The following CSMD1 variants were observed in gnomAD, a reference collection of about 807,000 sequenced individuals.
The protein encoded by CSMD1 is CUB and sushi domain-containing protein 1.
Under a neutral mutation model 417.5 loss-of-function variants are expected in CSMD1, and 213 were observed. The ratio of observed to expected loss-of-function variants is 0.51; its 90% CI spans 0.46 to 0.57. The LOEUF is 0.57. Among genes scored for constraint, CSMD1 ranks in the 20% least tolerant of loss-of-function variants. The pLI, the probability that CSMD1 is intolerant of heterozygous loss-of-function variation, is 0.00. For missense variants in CSMD1, 6,923 were observed against 4,529.7 expected (o/e 1.53, Z -15.17); for synonymous variants, 2,862 against 1,736.8 (o/e 1.65, Z -16.11).
At chr8:3,655,639 G>C (rs1468999778) in intron 7 of CSMD1, among the ~76,000 whole-genome samples, 1 of 145,272 alleles carries the variant, frequency 6.9e-6, no homozygotes, top group Admixed American at 7.0e-5. Flanking sequence ...GAGCCTACAA[G>C]ATGACTCAAT....
At chr8:3,962,536 G>A (rs890194381) in intron 5 of CSMD1, among the ~76,000 whole-genome samples, 1 of 152,162 alleles carries the variant, frequency 6.6e-6, no homozygotes, top group Admixed American at 6.5e-5. Flanking sequence ...GCTAATCGCA[G>A]GTAAGCAAAG....
chr8:3,369,601 C>T (rs921725349), intron 18 of CSMD1, among the ~76,000 whole-genome samples: 1 of 152,156 alleles, frequency 6.6e-6, no homozygotes, highest in African/African-American at 2.4e-5. Flanking sequence ...CAGAATAAGG[C>T]ACAGCAGGAG....
rs145725821 is a variant in CSMD1 at position 4,015,824 on chromosome 8, G to A, written c.610+16081C>T. On this transcript the variant is annotated intron_variant, in intron 4 of 69. Transcript: ENST00000635120. ...GGGTGAAACTTCATTCACTAAGCAA[G>A]CGGCGTAACTTCCCAATAATGGTTC... Among the ~76,000 whole-genome samples, 1,019 of 152,256 alleles carry A rather than the reference G, an allele frequency of 6.7e-3. 7 individuals are homozygous for A. The highest frequency in any genetic ancestry group is 9.6e-3 in the Non-Finnish European group (653 of 68,030).
At chr8:4,129,074 C>CAA (rs10538387) in intron 3 of CSMD1, among the ~76,000 whole-genome samples, 41 of 80,726 alleles carry the variant, frequency 5.1e-4, no homozygotes, top group African/African-American at 1.2e-3. Flanking sequence ...GAGTCCAACT[C>CAA]AAAAAAAAAA....
intron 3 of CSMD1, among the ~76,000 whole-genome samples, chr8:4,417,810 A>G (rs1797029118): frequency 6.6e-6 from 1 of 151,992 alleles, no homozygotes; most frequent in African/African-American, 2.4e-5. Context: ...ACATGTACAA[A>G]TTGGTGTATT....
intron 5 of CSMD1, among the ~76,000 whole-genome samples, chr8:3,905,572 A>G (rs1808056400): frequency 6.6e-6 from 1 of 152,224 alleles, no homozygotes; most frequent in African/African-American, 2.4e-5. Context: ...TTGTGCAAAC[A>G]CAGATGGCTG....
chr8:3,032,657 C>T (rs558553247), intron 50 of CSMD1, among the ~76,000 whole-genome samples: 3 of 152,126 alleles, frequency 2.0e-5, no homozygotes, highest in East Asian at 1.9e-4. Flanking sequence ...TCACTGACAT[C>T]AGAAGCCTGA....
intron 3 of CSMD1, among the ~76,000 whole-genome samples, chr8:4,032,967 A>G (rs989510875): frequency 6.6e-6 from 1 of 151,988 alleles, no homozygotes; most frequent in East Asian, 1.9e-4. Context: ...CAATTCCGAT[A>G]CGAAACACTG....
intron 2 of CSMD1, among the ~76,000 whole-genome samples, chr8:4,612,631 C>T (rs1365834252): frequency 6.6e-6 from 1 of 152,202 alleles, no homozygotes; most frequent in Non-Finnish European, 1.5e-5. Context: ...GGTAAGGCCA[C>T]TCAGGGGACC....
intron 66 of CSMD1, 89 bp downstream of exon 66, chr8:2,951,025 C>T: frequency 3.0e-6 from 4 of 1,338,286 alleles, no homozygotes; most frequent in Non-Finnish European, 4.1e-6. Context: ...GTAATAAGTA[C>T]TTAATACTTA....
At chr8:4,183,749 C>A (rs1016435126) in intron 3 of CSMD1, among the ~76,000 whole-genome samples, 3 of 152,146 alleles carry the variant, frequency 2.0e-5, no homozygotes, top group Middle Eastern at 3.2e-3. Context: ...ATTAGTGAAG[C>A]AATATGAGTA....
chr8:3,861,393 A>G (rs1026236976), intron 5 of CSMD1, among the ~76,000 whole-genome samples: 1 of 152,208 alleles, frequency 6.6e-6, no homozygotes. Flanking sequence ...AGCATTGTTC[A>G]TGGTGAAAAT....
intron 2 of CSMD1, among the ~76,000 whole-genome samples, chr8:4,607,579 A>G (rs2725015): frequency 0.19 from 28,752 of 152,150 alleles, 2,838 homozygotes; most frequent in African/African-American, 0.21. Flanking sequence ...AATGCTCATT[A>G]GCATCCTAAA....
intron 26 of CSMD1, among the ~76,000 whole-genome samples, chr8:3,264,675 C>T (rs575892927): frequency 5.3e-4 from 80 of 152,096 alleles, no homozygotes; most frequent in Middle Eastern, 3.4e-3. Flanking sequence ...ACTGTGGGGT[C>T]GTAAAAAGAG....
chr8:3,563,760 G>C (rs1164064584), intron 10 of CSMD1, among the ~76,000 whole-genome samples: 1 of 151,936 alleles, frequency 6.6e-6, no homozygotes, highest in Non-Finnish European at 1.5e-5. Context: ...GTGGTGGTAG[G>C]CATCTGTAAT....
chr8:3,839,330 A>G (rs190079372), intron 5 of CSMD1, among the ~76,000 whole-genome samples: 3,133 of 118,658 alleles, frequency 0.026, 155 homozygotes, highest in African/African-American at 0.095. Flanking sequence ...TATTAATTAT[A>G]TATACTATTA....
chr8:4,386,520 C>A (rs917357808), intron 3 of CSMD1, among the ~76,000 whole-genome samples: 2 of 152,226 alleles, frequency 1.3e-5, no homozygotes, highest in Non-Finnish European at 2.9e-5. Context: ...CATTGCTTGT[C>A]TAACTCTAAA....
intron 20 of CSMD1, among the ~76,000 whole-genome samples, chr8:3,366,579 T>G (rs1353648794): frequency 6.6e-6 from 1 of 152,164 alleles, no homozygotes; most frequent in Non-Finnish European, 1.5e-5. Flanking sequence ...TCCTCAACTG[T>G]GTGTGTCCAC....
intron 3 of CSMD1, among the ~76,000 whole-genome samples, chr8:4,112,887 C>T (rs902035100): frequency 1.3e-5 from 2 of 152,280 alleles, no homozygotes; most frequent in Admixed American, 6.5e-5. Context: ...ACCAACGTGG[C>T]ATCAAGCAAG....
Sources: allele counts gnomAD v4.1 joint callset (sites outside exome capture counted in the v4.1 genomes callset), GRCh38; gene constraint gnomAD v4.1.1; transcripts MANE v1.5; gene names NCBI Gene and HGNC (gene_info 2026-07-23, HGNC 2026-07-21).